The following MAP2 variants were observed in gnomAD, a reference collection of about 807,000 sequenced individuals.
The protein encoded by MAP2 is microtubule-associated protein 2.
In MAP2, 14 loss-of-function variants were observed where a neutral mutation model predicts 137.6. That is an observed-to-expected ratio of 0.10 (90% CI 0.07 to 0.16). The LOEUF (loss-of-function observed/expected upper bound fraction) is 0.16, where lower values mean the gene tolerates loss of function less well. MAP2 is among the 10% of genes least tolerant of loss of function. MAP2 has a pLI of 1.00. For missense variants in MAP2, 2,088 were observed against 2,191.5 expected (o/e 0.95, Z 0.94); for synonymous variants, 786 against 782.3 (o/e 1.00, Z -0.08).
intron 1 of MAP2, among the ~76,000 whole-genome samples, chr2:209,487,214 C>T (rs1028081124): frequency 3.3e-5 from 5 of 152,014 alleles, no homozygotes; most frequent in Non-Finnish European, 5.9e-5. Context: ...CTGGACTCAC[C>T]CGAGAGAAAG....
At chr2:209,658,855 C>T (rs918223862) in intron 5 of MAP2, among the ~76,000 whole-genome samples, 11 of 152,008 alleles carry the variant, frequency 7.2e-5, no homozygotes, top group African/African-American at 1.9e-4. Context: ...GAATTGCTTA[C>T]AAAACTATTA....
At chr2:209,526,758 A>T (rs1445128628) in intron 2 of MAP2, among the ~76,000 whole-genome samples, 1 of 150,930 alleles carries the variant, frequency 6.6e-6, no homozygotes, top group East Asian at 1.9e-4. Context: ...TGCTGCTATA[A>T]TAAGAACTGT....
At chr2:209,720,402 G>A (rs948840965) in intron 13 of MAP2, among the ~76,000 whole-genome samples, 1 of 152,076 alleles carries the variant, frequency 6.6e-6, no homozygotes, top group African/African-American at 2.4e-5. Flanking sequence ...GCTTTGGGAG[G>A]CCGAGGCGGG....
rs540961584 is a variant in MAP2, at chr2:209,593,652, T to A, written c.-107+13552T>A. Among the ~76,000 whole-genome samples, 524 of 68,634 alleles carry A rather than the reference T, an allele frequency of 7.6e-3. 30 individuals are homozygous for A. The highest frequency in any genetic ancestry group is 9.2e-3 in the Non-Finnish European group (337 of 36,518). The allele number at this position is 68,634 out of a possible 152,430, so 45.0% of individuals were successfully genotyped here. On this transcript the variant is annotated intron_variant, in intron 3 of 15. Transcript: ENST00000682079. Reference sequence around the variant, plus strand: ...AAAAAAAAATATATATATATATATATATATATATATATATATATATATGTA... The same window carrying A: ...AAAAAAAAATATATATATATATATAAATATATATATATATATATATATGTA...
intron 2 of MAP2, among the ~76,000 whole-genome samples, chr2:209,533,011 A>G (rs1188439847): frequency 6.6e-6 from 1 of 152,148 alleles, no homozygotes; most frequent in Non-Finnish European, 1.5e-5. Context: ...AGTGGTCCGC[A>G]CTGCATTTCC....
At chr2:209,437,496 T>C (rs11892923) in intron 1 of MAP2, among the ~76,000 whole-genome samples, 25,021 of 151,612 alleles carry the variant, frequency 0.17, 2,547 homozygotes, top group African/African-American at 0.28. Flanking sequence ...GAAATTGTAC[T>C]GTTGCCTTCT....
chr2:209,597,999 T>A (rs1191528044), intron 3 of MAP2, among the ~76,000 whole-genome samples: 6 of 151,906 alleles, frequency 3.9e-5, no homozygotes, highest in Admixed American at 1.3e-4. Context: ...TCCTATTCTT[T>A]TTTATTTATT....
At chr2:209,718,994 G>A (rs1431290045) in intron 13 of MAP2, among the ~76,000 whole-genome samples, 2 of 152,124 alleles carry the variant, frequency 1.3e-5, no homozygotes, top group Non-Finnish European at 1.5e-5. Context: ...AGGCGAAATA[G>A]TTTTCCTTAA....
intron 11 of MAP2, chr2:209,704,341 T>G: frequency 2.3e-6 from 2 of 857,044 alleles, no homozygotes; most frequent in Non-Finnish European, 3.5e-6. Context: ...TCATGTGTTC[T>G]TATTAAAAAG....
At chr2:209,644,143 C>T (rs2094234433) in intron 4 of MAP2, among the ~76,000 whole-genome samples, 1 of 152,154 alleles carries the variant, frequency 6.6e-6, no homozygotes, top group Non-Finnish European at 1.5e-5. Flanking sequence ...TGACTGAAAA[C>T]ACTGTAAGAC....
At chr2:209,652,062 C>T (rs1382870085) in intron 4 of MAP2, among the ~76,000 whole-genome samples, 2 of 152,124 alleles carry the variant, frequency 1.3e-5, no homozygotes, top group African/African-American at 4.8e-5. Flanking sequence ...GTCATCCTTA[C>T]TGTGGAGACG....
At chr2:209,428,923 TTTTATTTATTTATTTATTTA>T (rs200198018) in intron 1 of MAP2, among the ~76,000 whole-genome samples, 18 of 146,430 alleles carry the variant, frequency 1.2e-4, no homozygotes, top group Admixed American at 3.4e-4. Context: ...CTTTATTTTA[TTTTATTTATTTATTTATTTA>T]TTTATTTATT....
intron 2 of MAP2, among the ~76,000 whole-genome samples, chr2:209,529,998 G>T (rs1332671556): frequency 6.9e-6 from 1 of 145,514 alleles, no homozygotes; most frequent in Non-Finnish European, 1.5e-5. Flanking sequence ...TGACCACATG[G>T]GGAAGAATTA....
intron 5 of MAP2, among the ~76,000 whole-genome samples, chr2:209,670,329 A>G (rs2048266481): frequency 6.6e-6 from 1 of 152,028 alleles, no homozygotes; most frequent in Non-Finnish European, 1.5e-5. Context: ...CTAGAACATG[A>G]TAAATATAAA....
rs74636373 is a variant in MAP2, at chr2:209,654,828, T to C, written c.262+1396T>C. 3.0e-3 allele frequency among the ~76,000 whole-genome samples: 457 copies of C among 152,288 alleles called. 3 individuals carry two copies. Among genetic ancestry groups the C allele is most frequent in the African/African-American group, 0.011 (448 of 41,558 alleles). ...TTAGACCTTCAATATTCCATAAATG[T>C]GTGTTGAGTGAGCGAGTGAATGAAG... On this transcript the variant is annotated intron_variant, in intron 5 of 15. Transcript: ENST00000682079.
intron 2 of MAP2, among the ~76,000 whole-genome samples, chr2:209,509,113 A>T (rs1221500915): frequency 6.6e-6 from 1 of 151,988 alleles, no homozygotes; most frequent in Admixed American, 6.6e-5. Context: ...ATAAGAAATA[A>T]ACTCTTCCCT....
Position 209,620,291 on chromosome 2 carries a change from T to C in MAP2, c.-106-4762T>C, listed in dbSNP as rs181955116. Among the ~76,000 whole-genome samples, 62 of 152,320 alleles carry C rather than the reference T, an allele frequency of 4.1e-4. No homozygotes were observed. The East Asian group carries it at 9.6e-3, about 24-fold the overall frequency. ...AGCTTAACCCAGCCCGTTAGTCCTC[T>C]ACAATAGCCTGGAGCTTCTGGGTTT... On this transcript the variant is annotated intron_variant, in intron 3 of 15. Coordinates refer to ENST00000682079, the MANE Select transcript of MAP2 (RefSeq NM_001375505.1).
At chr2:209,528,780 A>G (rs1577197341) in intron 2 of MAP2, among the ~76,000 whole-genome samples, 1 of 147,814 alleles carries the variant, frequency 6.8e-6, no homozygotes, top group Admixed American at 6.7e-5. Flanking sequence ...ATATGTACAT[A>G]TGTATGTATA....
chr2:209,666,699 C>T (rs778887135), intron 5 of MAP2, among the ~76,000 whole-genome samples: 7 of 151,792 alleles, frequency 4.6e-5, no homozygotes, highest in Non-Finnish European at 5.9e-5. Context: ...CTCTAGCTGA[C>T]TATCATCTTA....
Sources: allele counts gnomAD v4.1 joint callset (sites outside exome capture counted in the v4.1 genomes callset), GRCh38; gene constraint gnomAD v4.1.1; transcripts MANE v1.5; gene names NCBI Gene and HGNC (gene_info 2026-07-23, HGNC 2026-07-21).